SHANK2: variants seen among roughly 807,000 people sequenced by gnomAD.
SHANK2 encodes SH3 and multiple ankyrin repeat domains 2.
Under a neutral mutation model 133.7 loss-of-function variants are expected in SHANK2, and 43 were observed. The observed-to-expected ratio is 0.32, with a 90% CI of 0.25 to 0.41. The LOEUF is 0.41. Among genes scored for constraint, SHANK2 ranks in the 10% least tolerant of loss-of-function variants. The pLI, the probability that SHANK2 is intolerant of heterozygous loss-of-function variation, is 1.00. For missense variants in SHANK2, 1,994 were observed against 2,235.8 expected (o/e 0.89, Z 2.18); for synonymous variants, 1,017 against 952.8 (o/e 1.07, Z -1.24).
chr11:71,127,154 T>A (rs1590937731), intron 3 of SHANK2, among the ~76,000 whole-genome samples: 1 of 152,174 alleles, frequency 6.6e-6, no homozygotes, highest in East Asian at 1.9e-4. Context: ...GAACTGGAAT[T>A]AGAAGTGGGG....
chr11:71,068,283 C>G (rs1951094624), intron 9 of SHANK2, among the ~76,000 whole-genome samples: 1 of 152,204 alleles, frequency 6.6e-6, no homozygotes, highest in Non-Finnish European at 1.5e-5. Flanking sequence ...AGCCCAGAAA[C>G]TGTGAATCCT....
chr11:71,251,830 G>T (rs1262890861), intron 1 of SHANK2, among the ~76,000 whole-genome samples: 10 of 151,458 alleles, frequency 6.6e-5, no homozygotes, highest in African/African-American at 2.4e-4. Context: ...TGCTGCTGCC[G>T]CCGCGCGCGC....
At chr11:70,928,030 A>G (rs1218741928) in intron 10 of SHANK2, among the ~76,000 whole-genome samples, 4 of 152,172 alleles carry the variant, frequency 2.6e-5, no homozygotes, top group African/African-American at 9.7e-5. Context: ...CCAATTCCTT[A>G]TAATAAATCT....
rs782219720 is a variant in SHANK2 at position 70,472,845 on chromosome 11, C to G, written c.*24G>C. 32 of 1,609,710 alleles carry G rather than the reference C, an allele frequency of 2.0e-5. No homozygotes were observed. Among genetic ancestry groups the G allele is most frequent in the Non-Finnish European group, 2.6e-5 (31 of 1,175,986 alleles). On this transcript the variant is annotated 3_prime_UTR_variant, in exon 26 of 26. Transcript: ENST00000601538. The surrounding 1 kb of genome is among the most constrained non-coding windows in gnomAD (Gnocchi z 4.4). ...CATCTCTACTTATAACAAGAGCAGT[C>G]TGCGAGGTGGAGAGCAGCCGTCCTT...
At chr11:70,763,611 A>G (rs1947042349) in intron 14 of SHANK2, among the ~76,000 whole-genome samples, 3 of 152,208 alleles carry the variant, frequency 2.0e-5, no homozygotes, top group Admixed American at 2.0e-4. Context: ...TCGGGCCAAC[A>G]GCACCCACAG....
At chr11:71,159,470 G>A (rs1172232250) in intron 2 of SHANK2, among the ~76,000 whole-genome samples, 1 of 152,134 alleles carries the variant, frequency 6.6e-6, no homozygotes, top group African/African-American at 2.4e-5. Context: ...AGCTCCTTTT[G>A]CCATATGAGG....
intron 17 of SHANK2, among the ~76,000 whole-genome samples, chr11:70,540,972 C>T (rs1199156293): frequency 6.6e-6 from 1 of 152,060 alleles, no homozygotes; most frequent in African/African-American, 2.4e-5. Context: ...CCCTGTGAAC[C>T]ACTAACTCCC....
At chr11:70,614,654 C>T (rs2060713619) in intron 17 of SHANK2, among the ~76,000 whole-genome samples, 1 of 152,244 alleles carries the variant, frequency 6.6e-6, no homozygotes, top group Non-Finnish European at 1.5e-5. Context: ...TAAGTACAAG[C>T]AGCATTCCAG....
At chr11:70,736,102 G>A (rs1946398603) in intron 14 of SHANK2, among the ~76,000 whole-genome samples, 1 of 151,288 alleles carries the variant, frequency 6.6e-6, no homozygotes, top group Admixed American at 6.6e-5. Flanking sequence ...TCGGGAACAA[G>A]AACCCAGCCA....
At chr11:70,692,530 C>T (rs1468214869) in intron 15 of SHANK2, among the ~76,000 whole-genome samples, 3 of 152,150 alleles carry the variant, frequency 2.0e-5, no homozygotes, top group Non-Finnish European at 4.4e-5. Context: ...GATTTCTCAG[C>T]GTCTTTAGAA....
At chr11:70,827,690 AACACACACAC>A (rs113156725) in intron 11 of SHANK2, among the ~76,000 whole-genome samples, 22,186 of 130,416 alleles carry the variant, frequency 0.17, 2,350 homozygotes, top group Non-Finnish European at 0.23. Flanking sequence ...AGAAATTTAA[AACACACACAC>A]ACACACACAC....
At chr11:71,166,473 C>CT (rs1322143159) in intron 2 of SHANK2, among the ~76,000 whole-genome samples, 3,808 of 130,848 alleles carry the variant, frequency 0.029, 269 homozygotes, top group African/African-American at 0.072. Context: ...ATCCACACGT[C>CT]TTTTTTTTCT....
chr11:70,788,779 C>T (rs184443236), intron 14 of SHANK2, among the ~76,000 whole-genome samples: 2 of 152,280 alleles, frequency 1.3e-5, no homozygotes, highest in African/African-American at 2.4e-5. Context: ...GAAACCCCGA[C>T]GAGGCCACAC....
At position 70,539,483 on chromosome 11, in the gene SHANK2, A is replaced by AGCTCACTCGCCACGCTCGCCAC. The variant is rs1591552742; in HGVS notation, c.2062-36553_2062-36552insGTGGCGAGCGTGGCGAGTGAGC. On this transcript the variant is annotated intron_variant, in intron 17 of 25. Transcript: ENST00000601538. ...TCTGGGGGGTTTAGGGCACACAGAA[A>AGCTCACTCGCCACGCTCGCCAC]GCTCACTCGCCACGCTCACCACGCT... Among the ~76,000 whole-genome samples the AGCTCACTCGCCACGCTCGCCAC allele has an allele frequency of 8.1e-5, 12 of 147,256 alleles. No homozygotes were observed. In the East Asian group the frequency reaches 1.7e-3, roughly 21 times the overall value.
chr11:71,222,949 G>C (rs1555121531), intron 2 of SHANK2, among the ~76,000 whole-genome samples: 1 of 152,244 alleles, frequency 6.6e-6, no homozygotes, highest in African/African-American at 2.4e-5. Context: ...CCTCAGCCAA[G>C]ACAGCCAGGG....
Position 71,092,411 on chromosome 11 carries a change from G to C in SHANK2, c.912+11C>G, listed in dbSNP as rs1363462613. The C allele has an allele frequency of 1.3e-6, 2 of 1,551,086 alleles. No homozygotes were observed. The highest frequency in any genetic ancestry group is 4.9e-5 in the East Asian group (2 of 40,902). On this transcript the variant is annotated intron_variant, in intron 8 of 25. Transcript: ENST00000601538. Reference sequence around the variant, plus strand: ...GTGGGTACAACAGAGTGGAGAAGCGGGCCCACGTACCTGGTGGATCTCGTG... The same window carrying C: ...GTGGGTACAACAGAGTGGAGAAGCGCGCCCACGTACCTGGTGGATCTCGTG...
intron 16 of SHANK2, among the ~76,000 whole-genome samples, chr11:70,660,366 C>T (rs868962159): frequency 3.3e-5 from 5 of 152,240 alleles, no homozygotes; most frequent in Admixed American, 2.6e-4. Flanking sequence ...TACGTAGACT[C>T]GCAACCAAGG....
intron 2 of SHANK2, among the ~76,000 whole-genome samples, chr11:71,167,553 A>G (rs1555111229): frequency 9.4e-6 from 1 of 106,090 alleles, no homozygotes; most frequent in Non-Finnish European, 1.8e-5. Context: ...TGACCCCCCC[A>G]CCTCCCTCCC....
chr11:70,523,553 G>C (rs1053266730), intron 17 of SHANK2, among the ~76,000 whole-genome samples: 1 of 152,184 alleles, frequency 6.6e-6, no homozygotes, highest in Non-Finnish European at 1.5e-5. Flanking sequence ...CCCCGGTGCT[G>C]CCCCGAAGCC....
Sources: allele counts gnomAD v4.1 joint callset (sites outside exome capture counted in the v4.1 genomes callset), GRCh38; gene constraint gnomAD v4.1.1; non-coding constraint Gnocchi (gnomAD v3.1); transcripts MANE v1.5; gene names NCBI Gene and HGNC (gene_info 2026-07-23, HGNC 2026-07-21).